Variants in GPC5 observed in about 807,000 individuals in gnomAD.
The protein encoded by GPC5 is glypican-5.
GPC5 carries 47 observed loss-of-function variants against 53.9 expected under a neutral mutation model. That is an observed-to-expected ratio of 0.87 (90% CI 0.69 to 1.11). The LOEUF is 1.11. GPC5 is among the 50% of genes most tolerant of loss of function. The pLI is 0.00. For synonymous variants in GPC5, 286 were observed against 263.3 expected (o/e 1.09, Z -0.84); for missense variants, 748 against 713.1 (o/e 1.05, Z -0.56).
chr13:91,924,699 C>G (rs913370204), intron 6 of GPC5, among the ~76,000 whole-genome samples: 3 of 152,026 alleles, frequency 2.0e-5, no homozygotes, highest in African/African-American at 4.8e-5. Flanking sequence ...CGTGATTATG[C>G]CACTGCATTC....
chr13:92,411,669 A>G (rs1198080255), intron 7 of GPC5, among the ~76,000 whole-genome samples: 1 of 152,184 alleles, frequency 6.6e-6, no homozygotes, highest in African/African-American at 2.4e-5. Flanking sequence ...AGTTTTTCTA[A>G]GGTTAATGTT....
chr13:91,560,257 A>G (rs987596393), intron 2 of GPC5, among the ~76,000 whole-genome samples: 4 of 152,148 alleles, frequency 2.6e-5, no homozygotes, highest in African/African-American at 9.7e-5. Flanking sequence ...AGGTTCTGTG[A>G]GATGACCTAG....
intron 7 of GPC5, among the ~76,000 whole-genome samples, chr13:92,654,540 T>C (rs1446631458): frequency 6.6e-6 from 1 of 152,190 alleles, no homozygotes; most frequent in African/African-American, 2.4e-5. Flanking sequence ...ACCATTTCTA[T>C]ATTTCTAATT....
chr13:92,746,412 C>T (rs910793667), intron 7 of GPC5, among the ~76,000 whole-genome samples: 2 of 152,214 alleles, frequency 1.3e-5, no homozygotes, highest in African/African-American at 4.8e-5. Context: ...GAACCACCTA[C>T]ATCTGTTTCA....
intron 7 of GPC5, among the ~76,000 whole-genome samples, chr13:92,358,623 C>G (rs1404682926): frequency 6.6e-6 from 1 of 151,768 alleles, no homozygotes; most frequent in East Asian, 1.9e-4. Context: ...GTGGAGGATC[C>G]CAAGCTTCAA....
intron 7 of GPC5, among the ~76,000 whole-genome samples, chr13:92,817,613 T>C (rs977122070): frequency 6.6e-6 from 1 of 152,010 alleles, no homozygotes; most frequent in Non-Finnish European, 1.5e-5. Context: ...GGTATCCAAT[T>C]TCATGAACTC....
intron 7 of GPC5, among the ~76,000 whole-genome samples, chr13:92,206,440 C>T (rs1400362955): frequency 1.3e-5 from 2 of 150,366 alleles, no homozygotes; most frequent in African/African-American, 4.9e-5. Flanking sequence ...GCTGGGAGCT[C>T]GGCTCCCAAA....
chr13:92,655,812 A>G (rs963225961), intron 7 of GPC5, among the ~76,000 whole-genome samples: 1 of 152,196 alleles, frequency 6.6e-6, no homozygotes, highest in African/African-American at 2.4e-5. Flanking sequence ...TAGTAGCCTA[A>G]GCTTACTTAA....
chr13:92,065,338 C>T (rs1049008659), intron 6 of GPC5, among the ~76,000 whole-genome samples: 56 of 152,094 alleles, frequency 3.7e-4, no homozygotes, highest in Middle Eastern at 6.3e-3. Context: ...AATTACTTCC[C>T]TGACTGCAGG....
At chr13:92,675,920 T>C (rs933186234) in intron 7 of GPC5, among the ~76,000 whole-genome samples, 1 of 152,208 alleles carries the variant, frequency 6.6e-6, no homozygotes, top group Non-Finnish European at 1.5e-5. Context: ...GAACACTTAC[T>C]GTATGTATGT....
At chr13:91,626,318 G>A (rs574833069) in intron 2 of GPC5, among the ~76,000 whole-genome samples, 1 of 152,246 alleles carries the variant, frequency 6.6e-6, no homozygotes, top group Admixed American at 6.6e-5. Context: ...ATTGGTAGAA[G>A]CACAGAAAAC....
intron 6 of GPC5, among the ~76,000 whole-genome samples, chr13:91,943,826 C>G (rs2039949982): frequency 6.6e-6 from 1 of 151,954 alleles, no homozygotes; most frequent in Middle Eastern, 3.2e-3. Flanking sequence ...ATGAATGCCT[C>G]TAAATCTGCA....
intron 6 of GPC5, among the ~76,000 whole-genome samples, chr13:92,095,986 G>T (rs1464780360): frequency 6.6e-6 from 1 of 152,164 alleles, no homozygotes; most frequent in East Asian, 1.9e-4. Context: ...ACTTTCCCAA[G>T]GTCATGAGGC....
intron 7 of GPC5, among the ~76,000 whole-genome samples, chr13:92,792,457 T>C (rs1244676973): frequency 6.6e-6 from 1 of 152,072 alleles, no homozygotes; most frequent in African/African-American, 2.4e-5. Flanking sequence ...GTAAAGACCA[T>C]CGATGCTACA....
intron 6 of GPC5, among the ~76,000 whole-genome samples, chr13:91,962,613 T>C (rs779467701): frequency 3.3e-5 from 5 of 152,130 alleles, no homozygotes; most frequent in African/African-American, 4.8e-5. Context: ...AACACACATT[T>C]TGAAATTTCC....
intron 7 of GPC5, among the ~76,000 whole-genome samples, chr13:92,652,558 G>A (rs1203364456): frequency 6.6e-6 from 1 of 152,094 alleles, no homozygotes; most frequent in African/African-American, 2.4e-5. Context: ...GACCGTGGTG[G>A]ACAGGGTAAA....
chr13:92,750,677 A>G (rs1022653947), intron 7 of GPC5, among the ~76,000 whole-genome samples: 3 of 152,156 alleles, frequency 2.0e-5, no homozygotes, highest in African/African-American at 7.2e-5. Flanking sequence ...TTGTATGTTA[A>G]TAATTCAGGC....
Position 91,495,408 on chromosome 13 carries a change from A to G in GPC5, c.325+46486A>G, listed in dbSNP as rs545404775. 4.6e-5 allele frequency among the ~76,000 whole-genome samples: 7 copies of G among 152,278 alleles called. No homozygotes were observed. The South Asian group carries it at 1.2e-3, about 27-fold the overall frequency. Reference sequence around the variant, plus strand: ...TCACTCCTTTTCTCAAAGCCCTCCAATGGCACCCATTTCACAGGGTAGAAG... The same window carrying G: ...TCACTCCTTTTCTCAAAGCCCTCCAGTGGCACCCATTTCACAGGGTAGAAG... On this transcript the variant is annotated intron_variant, in intron 2 of 7. Transcript: ENST00000377067.
intron 7 of GPC5, among the ~76,000 whole-genome samples, chr13:92,210,646 G>A (rs7489550): frequency 0.18 from 28,066 of 152,006 alleles, 2,819 homozygotes; most frequent in Admixed American, 0.23. Context: ...ATTCATAACA[G>A]TTAAGATCTG....
Sources: gnomAD v4.1 joint callset for allele counts (sites outside exome capture counted in the v4.1 genomes callset) on GRCh38, gnomAD v4.1.1 for gene constraint, MANE v1.5 for transcripts, NCBI Gene and HGNC (gene_info 2026-07-23, HGNC 2026-07-21) for gene names.